Variants in TRMT11 observed in about 807,000 individuals in gnomAD.
The protein encoded by TRMT11 is tRNA (guanine(10)-N(2))-methyltransferase TRMT11.
TRMT11 carries 53 observed loss-of-function variants against 62.8 expected under a neutral mutation model. That is an observed-to-expected ratio of 0.84 (90% CI 0.68 to 1.06). The LOEUF (loss-of-function observed/expected upper bound fraction) is 1.06, where lower values mean the gene tolerates loss of function less well. Among genes scored for constraint, TRMT11 ranks in the 50% least tolerant of loss-of-function variants. The probability of loss-of-function intolerance (pLI) is 0.00; values close to 1 mark genes in which losing one functional copy is unlikely to be tolerated. For missense variants in TRMT11, 556 were observed against 553.4 expected (o/e 1.00, Z -0.05); for synonymous variants, 188 against 190.3 (o/e 0.99, Z 0.10).
intron 3 of TRMT11, among the ~76,000 whole-genome samples, chr6:126,200,231 A>T (rs1778719121): frequency 1.3e-5 from 2 of 152,224 alleles, no homozygotes; most frequent in South Asian, 4.1e-4. Context: ...ACATCCTGAC[A>T]AAGATCCTCG....
chr6:126,198,788 T>C (rs963087647), intron 1 of TRMT11: 2 of 152,254 alleles, frequency 1.3e-5, no homozygotes, highest in Admixed American at 6.5e-5. Flanking sequence ...AAACTCTATG[T>C]ATATTTTCAG....
the TRMT11 span, among the ~76,000 whole-genome samples, chr6:126,264,952 A>G: frequency 6.6e-6 from 1 of 152,202 alleles, no homozygotes; most frequent in Non-Finnish European, 1.5e-5. Context: ...GAGAACATAG[A>G]TGAATACAGC....
chr6:126,096,373 G>A (rs1260009228), intron 17 of TRMT11, among the ~76,000 whole-genome samples: 2 of 152,140 alleles, frequency 1.3e-5, no homozygotes, highest in African/African-American at 4.8e-5. Flanking sequence ...CACAATGGAA[G>A]ACCATTCTGT....
chr6:126,097,481 G>A (rs1777354135), intron 17 of TRMT11, among the ~76,000 whole-genome samples: 2 of 152,040 alleles, frequency 1.3e-5, no homozygotes, highest in African/African-American at 4.8e-5. Context: ...ACATCATTTT[G>A]GCTATTCTTT....
At chr6:126,082,546 A>G (rs1346482716) in intron 17 of TRMT11, among the ~76,000 whole-genome samples, 2 of 152,126 alleles carry the variant, frequency 1.3e-5, no homozygotes, top group Admixed American at 1.3e-4. Context: ...ATTGAAAATT[A>G]GTCTTAGGGC....
chr6:126,125,234 C>T (rs534693061), intron 21 of TRMT11, among the ~76,000 whole-genome samples: 28 of 151,990 alleles, frequency 1.8e-4, no homozygotes, highest in South Asian at 4.2e-4. Flanking sequence ...TCACTTTGCC[C>T]GTGGGGTTTG....
intron 1 of TRMT11, among the ~76,000 whole-genome samples, chr6:126,181,440 T>G (rs1163521292): frequency 6.6e-6 from 1 of 152,182 alleles, no homozygotes; most frequent in African/African-American, 2.4e-5. Flanking sequence ...AACTTCTGTT[T>G]GATTTCTTCC....
the TRMT11 span, among the ~76,000 whole-genome samples, chr6:126,239,145 T>C: frequency 6.6e-6 from 1 of 152,206 alleles, no homozygotes; most frequent in African/African-American, 2.4e-5. Context: ...AGCACACTGA[T>C]GGGTCTTGAC....
Position 126,187,488 on chromosome 6 carries a change from G to A in TRMT11, n.143+10153G>A, listed in dbSNP as rs995183397. Among the ~76,000 whole-genome samples, 9 of 151,922 alleles carry A rather than the reference G, an allele frequency of 5.9e-5. 2 individuals carry two copies. The South Asian group carries it at 8.3e-4, about 14-fold the overall frequency. On this transcript the variant is annotated intron_variant and non_coding_transcript_variant, in intron 1 of 3. Transcript: ENST00000444229. ...ATCTAAATTGATAGATAAATATCAC[G>A]TCTGTAAATTGTTAGACTCAGTATT...
At chr6:126,064,083 G>T (rs1002956819) in intron 17 of TRMT11, among the ~76,000 whole-genome samples, 1 of 152,128 alleles carries the variant, frequency 6.6e-6, no homozygotes, top group Non-Finnish European at 1.5e-5. Context: ...CTAGAGGTTG[G>T]CAACCTTTGG....
At chr6:126,075,230 T>C (rs1190634801) in intron 17 of TRMT11, among the ~76,000 whole-genome samples, 1 of 152,172 alleles carries the variant, frequency 6.6e-6, no homozygotes, top group Non-Finnish European at 1.5e-5. Flanking sequence ...AGTCTTTACA[T>C]TGAAATAACT....
At chr6:126,224,218 CT>C in the TRMT11 span, among the ~76,000 whole-genome samples, 1 of 152,322 alleles carries the variant, frequency 6.6e-6, no homozygotes, top group South Asian at 2.1e-4. Context: ...AAAAGACACT[CT>C]AGCTTCTTGA....
intron 12 of TRMT11, among the ~76,000 whole-genome samples, chr6:126,035,701 A>G (rs751429824): frequency 5.9e-5 from 9 of 152,058 alleles, no homozygotes; most frequent in Non-Finnish European, 4.4e-5. Flanking sequence ...ATTACAGAAA[A>G]GAATGTCTTA....
At position 125,999,517 on chromosome 6, in the gene TRMT11, G is replaced by C. The variant is rs1297853693; in HGVS notation, c.583G>C (p.Gly195Arg). The change falls in exon 7 of 13, where the codon GGA becomes CGA. Residue 195 changes from glycine (G) to arginine (R), a missense_variant. Coordinates refer to ENST00000334379, the MANE Select transcript of TRMT11 (RefSeq NM_001031712.3). The stretch of plus-strand genomic sequence containing the variant: ...CAGTGTCAAAAAGAGACACTTTATT[G>C]GAAATACAAGTATGGATGCTGGTTT... ...SYSVKKRHFI[G>R]NTSMDAGLSF... 1 of 1,611,290 alleles carries C rather than the reference G, an allele frequency of 6.2e-7. No homozygotes were observed. The highest frequency in any genetic ancestry group is 1.3e-5 in the African/African-American group (1 of 74,814).
intron 21 of TRMT11, among the ~76,000 whole-genome samples, chr6:126,162,538 T>C (rs973617938): frequency 2.0e-5 from 3 of 152,220 alleles, no homozygotes; most frequent in Non-Finnish European, 4.4e-5. Flanking sequence ...TTGTCTTGGC[T>C]ATGCAGCCTC....
At chr6:126,190,707 G>A (rs182235631) in intron 1 of TRMT11, among the ~76,000 whole-genome samples, 4 of 152,192 alleles carry the variant, frequency 2.6e-5, no homozygotes, top group African/African-American at 7.2e-5. Context: ...GACTTTCTGT[G>A]CCTGGTTTAT....
At chr6:126,147,272 C>G (rs1777984806) in intron 21 of TRMT11, among the ~76,000 whole-genome samples, 1 of 151,984 alleles carries the variant, frequency 6.6e-6, no homozygotes, top group South Asian at 2.1e-4. Context: ...TTATTGGTAT[C>G]CTTTTATGGA....
chr6:126,258,590 T>C, the TRMT11 span, among the ~76,000 whole-genome samples: 2 of 152,254 alleles, frequency 1.3e-5, no homozygotes, highest in Non-Finnish European at 2.9e-5. Flanking sequence ...TTCTATTTTT[T>C]TGATAATTTA....
chr6:126,016,285 T>C (rs992396625), intron 11 of TRMT11, among the ~76,000 whole-genome samples: 1 of 152,182 alleles, frequency 6.6e-6, no homozygotes, highest in Admixed American at 6.5e-5. Context: ...TCCTATATTA[T>C]TCATTGGGTT....
Sources: gnomAD v4.1 joint callset for allele counts (sites outside exome capture counted in the v4.1 genomes callset) on GRCh38, gnomAD v4.1.1 for gene constraint, MANE v1.5 for transcripts, NCBI Gene and HGNC (gene_info 2026-07-23, HGNC 2026-07-21) for gene names.